Variants in PLA2G4A observed in about 807,000 individuals in gnomAD.
PLA2G4A encodes the protein phospholipase A2 group IVA.
Under a neutral mutation model 81.9 loss-of-function variants are expected in PLA2G4A, and 40 were observed. The observed-to-expected ratio is 0.49, with a 90% CI of 0.38 to 0.64. The LOEUF (loss-of-function observed/expected upper bound fraction) is 0.64, where lower values mean the gene tolerates loss of function less well. Among genes scored for constraint, PLA2G4A ranks in the 30% least tolerant of loss-of-function variants. The pLI is 0.00. For missense variants in PLA2G4A, 715 were observed against 905.1 expected (o/e 0.79, Z 2.69); for synonymous variants, 302 against 296.9 (o/e 1.02, Z -0.18).
At chr1:186,832,921 C>G (rs1240163534) in intron 1 of PLA2G4A, among the ~76,000 whole-genome samples, 1 of 151,932 alleles carries the variant, frequency 6.6e-6, no homozygotes, top group Non-Finnish European at 1.5e-5. Context: ...GAAACCTTTC[C>G]CTTAAAAATG....
intron 8 of PLA2G4A, among the ~76,000 whole-genome samples, chr1:186,937,251 AAAAGAG>A (rs770929998): frequency 8.2e-4 from 103 of 125,428 alleles, no homozygotes; most frequent in Non-Finnish European, 1.3e-3. Flanking sequence ...ATGAGACGGG[AAAAGAG>A]AGAGAGAGAG....
At chr1:186,934,463 T>TACACACACACACAC (rs1553216897) in intron 8 of PLA2G4A, among the ~76,000 whole-genome samples, 1 of 143,514 alleles carries the variant, frequency 7.0e-6, no homozygotes, top group Admixed American at 7.0e-5. Flanking sequence ...TATATATATA[T>TACACACACACACAC]ACATACACAG....
At chr1:186,870,750 A>T (rs1571351366) in intron 3 of PLA2G4A, 2 of 1,363,624 alleles carry the variant, frequency 1.5e-6, no homozygotes, top group African/African-American at 2.0e-5. Context: ...CATGCGTAAG[A>T]GTGCCCTTAT....
At chr1:186,953,921 G>A (rs1656652085) in intron 13 of PLA2G4A, among the ~76,000 whole-genome samples, 2 of 150,770 alleles carry the variant, frequency 1.3e-5, no homozygotes, top group African/African-American at 2.4e-5. Flanking sequence ...GATAGAAATC[G>A]TTCACTTTAA....
At chr1:186,921,658 G>A (rs1655356095) in intron 7 of PLA2G4A, among the ~76,000 whole-genome samples, 1 of 152,080 alleles carries the variant, frequency 6.6e-6, no homozygotes, top group Non-Finnish European at 1.5e-5. Flanking sequence ...AGGTGCTGTG[G>A]CCTCAGGAGT....
chr1:186,894,325 C>CT, intron 5 of PLA2G4A, 114 bp downstream of exon 5: 1 of 656,468 alleles, frequency 1.5e-6, no homozygotes, highest in Non-Finnish European at 2.7e-6. Context: ...AGAATGTTTG[C>CT]TTTTTAAAGA....
chr1:186,940,197 T>G, intron 10 of PLA2G4A, 103 bp downstream of exon 10: 1 of 747,448 alleles, frequency 1.3e-6, no homozygotes, highest in South Asian at 1.4e-5. Flanking sequence ...TTGTTTATTT[T>G]AATGTATTTT....
intron 2 of PLA2G4A, among the ~76,000 whole-genome samples, chr1:186,858,769 G>A (rs994696249): frequency 4.6e-5 from 7 of 151,774 alleles, no homozygotes; most frequent in South Asian, 2.1e-4. Context: ...CATGTTTTTC[G>A]TTAGTTTCTC....
intron 14 of PLA2G4A, among the ~76,000 whole-genome samples, chr1:186,963,111 T>C (rs1037145095): frequency 2.0e-5 from 3 of 152,200 alleles, no homozygotes; most frequent in Non-Finnish European, 4.4e-5. Context: ...TATATGAAAT[T>C]TCTGATACAT....
chr1:186,912,786 A>ATGTATATATATACATATATATG (rs1655005876), intron 7 of PLA2G4A, among the ~76,000 whole-genome samples: 1 of 98,846 alleles, frequency 1.0e-5, no homozygotes, highest in Non-Finnish European at 1.9e-5. Context: ...ATGTATACTT[A>ATGTATATATATACATATATATG]TATATATATG....
intron 7 of PLA2G4A, among the ~76,000 whole-genome samples, chr1:186,921,223 G>A (rs1331355019): frequency 6.6e-6 from 1 of 152,080 alleles, no homozygotes; most frequent in African/African-American, 2.4e-5. Flanking sequence ...ATATTCTTGG[G>A]GGTTTTGGTA....
At chr1:186,945,238 C>A (rs1447608876) in intron 10 of PLA2G4A, among the ~76,000 whole-genome samples, 1 of 152,082 alleles carries the variant, frequency 6.6e-6, no homozygotes, top group African/African-American at 2.4e-5. Context: ...TGAGGAACAG[C>A]AAGAAGATCT....
intron 3 of PLA2G4A, among the ~76,000 whole-genome samples, chr1:186,891,130 A>AT (rs1457343257): frequency 6.6e-6 from 1 of 151,472 alleles, no homozygotes; most frequent in Non-Finnish European, 1.5e-5. Flanking sequence ...GTATTTTTCA[A>AT]TTTTTTTTCT....
chr1:186,845,783 G>A (rs1261810598), intron 1 of PLA2G4A, among the ~76,000 whole-genome samples: 5 of 152,058 alleles, frequency 3.3e-5, no homozygotes, highest in Non-Finnish European at 7.4e-5. Flanking sequence ...ATGACTAAAC[G>A]TTTTGGAAAG....
intron 5 of PLA2G4A, among the ~76,000 whole-genome samples, chr1:186,899,682 G>A (rs901118529): frequency 9.2e-5 from 14 of 152,150 alleles, no homozygotes; most frequent in African/African-American, 3.4e-4. Context: ...TGGAAGGTTC[G>A]TGACCAGGTA....
chr1:186,902,019 T>C (rs1441247953), intron 5 of PLA2G4A, among the ~76,000 whole-genome samples: 1 of 152,206 alleles, frequency 6.6e-6, no homozygotes, highest in Non-Finnish European at 1.5e-5. Flanking sequence ...GTGAACATCA[T>C]AAAGTATGCT....
At chr1:186,882,339 CGTCTTT>C (rs1350928411) in intron 3 of PLA2G4A, among the ~76,000 whole-genome samples, 2 of 152,102 alleles carry the variant, frequency 1.3e-5, no homozygotes, top group Non-Finnish European at 2.9e-5. Flanking sequence ...TTAACTGTAC[CGTCTTT>C]GGACTCTTAT....
At chr1:186,876,683 C>T (rs1347537810) in intron 3 of PLA2G4A, among the ~76,000 whole-genome samples, 15 of 152,104 alleles carry the variant, frequency 9.9e-5, no homozygotes, top group East Asian at 5.8e-4. Context: ...CCAGCGATCA[C>T]GCAGCACACC....
intron 1 of PLA2G4A, among the ~76,000 whole-genome samples, chr1:186,834,653 C>G (rs1437896089): frequency 1.3e-5 from 2 of 151,928 alleles, no homozygotes; most frequent in Non-Finnish European, 2.9e-5. Context: ...CTACATAGTA[C>G]TTTGTACAGT....
Sources: gnomAD v4.1 joint callset for allele counts (sites outside exome capture counted in the v4.1 genomes callset) on GRCh38, gnomAD v4.1.1 for gene constraint, MANE v1.5 for transcripts, NCBI Gene and HGNC (gene_info 2026-07-23, HGNC 2026-07-21) for gene names.